The following GALNT13 variants were observed in gnomAD, a reference collection of about 807,000 sequenced individuals.
GALNT13 encodes polypeptide N-acetylgalactosaminyltransferase 13.
GALNT13 carries 28 observed loss-of-function variants against 64.2 expected under a neutral mutation model. The ratio of observed to expected loss-of-function variants is 0.44; its 90% CI spans 0.32 to 0.60. The LOEUF (loss-of-function observed/expected upper bound fraction) is 0.60, where lower values mean the gene tolerates loss of function less well. Among genes scored for constraint, GALNT13 ranks in the 20% least tolerant of loss-of-function variants. The probability of loss-of-function intolerance (pLI) is 0.05; values close to 1 mark genes in which losing one functional copy is unlikely to be tolerated. For missense variants in GALNT13, 577 were observed against 669.8 expected (o/e 0.86, Z 1.53); for synonymous variants, 214 against 224.6 (o/e 0.95, Z 0.42).
intron 8 of GALNT13, among the ~76,000 whole-genome samples, chr2:154,284,285 G>A (rs1015934343): frequency 4.0e-5 from 6 of 151,808 alleles, no homozygotes; most frequent in East Asian, 1.9e-4. Flanking sequence ...ATCTCTCCCC[G>A]ATTCCCTGTA....
the GALNT13 span, among the ~76,000 whole-genome samples, chr2:153,643,386 T>C: frequency 6.6e-6 from 1 of 151,260 alleles, no homozygotes; most frequent in Non-Finnish European, 1.5e-5. Context: ...ATGACAAACA[T>C]TAAAATAGTA....
intron 7 of GALNT13, among the ~76,000 whole-genome samples, chr2:154,247,673 A>G (rs776210177): frequency 1.8e-4 from 28 of 152,198 alleles, no homozygotes; most frequent in African/African-American, 4.8e-4. Context: ...AAACCAAAAG[A>G]TGAATCATCT....
chr2:153,771,216 G>T, the GALNT13 span, among the ~76,000 whole-genome samples: 7 of 152,166 alleles, frequency 4.6e-5, no homozygotes, highest in African/African-American at 1.7e-4. Context: ...AATCTGGTTG[G>T]GGGGCAGATG....
At chr2:153,878,543 G>A (rs1009872854) in intron 1 of GALNT13, among the ~76,000 whole-genome samples, 2 of 152,174 alleles carry the variant, frequency 1.3e-5, no homozygotes, top group Non-Finnish European at 2.9e-5. Context: ...CTGTGTTAAT[G>A]TTTGTTGAAA....
the GALNT13 span, among the ~76,000 whole-genome samples, chr2:153,125,126 A>G: frequency 6.6e-6 from 1 of 152,252 alleles, no homozygotes; most frequent in Non-Finnish European, 1.5e-5. Context: ...ACCCTAAAAC[A>G]TAATTTGATA....
chr2:153,121,687 C>G, the GALNT13 span, among the ~76,000 whole-genome samples: 2 of 152,084 alleles, frequency 1.3e-5, no homozygotes. Context: ...CACGACCATG[C>G]CTGTCTATTT....
chr2:154,308,718 T>C lies in GALNT13; in HGVS notation c.1156+7129T>C, dbSNP rs550857189. On this transcript the variant is annotated intron_variant, in intron 9 of 12. Coordinates refer to ENST00000392825, the MANE Select transcript of GALNT13 (RefSeq NM_052917.4). ...TTTTCAGCAGCAGCAGCAGCCATAG[T>C]ATCAATGAGGGATTGTGGTATGATG... is the stretch of plus-strand genomic sequence containing the variant. 5.3e-5 allele frequency among the ~76,000 whole-genome samples: 8 copies of C among 152,320 alleles called. 1 individual carries two copies. Among genetic ancestry groups the C allele is most frequent in the African/African-American group, 1.9e-4 (8 of 41,574 alleles).
the GALNT13 span, among the ~76,000 whole-genome samples, chr2:153,587,912 G>C: frequency 6.6e-6 from 1 of 152,366 alleles, no homozygotes; most frequent in African/African-American, 2.4e-5. Context: ...TACAATGGGG[G>C]TACAGGCATT....
At chr2:153,453,634 A>G in the GALNT13 span, among the ~76,000 whole-genome samples, 2 of 152,168 alleles carry the variant, frequency 1.3e-5, no homozygotes, top group African/African-American at 4.8e-5. Flanking sequence ...TGGTAAGGCT[A>G]CAGAGAAAAG....
At chr2:154,425,631 T>A (rs1444636410) in intron 11 of GALNT13, among the ~76,000 whole-genome samples, 2 of 152,182 alleles carry the variant, frequency 1.3e-5, no homozygotes, top group Non-Finnish European at 2.9e-5. Context: ...TAGGCGAATA[T>A]ACCATCAATA....
intron 2 of GALNT13, among the ~76,000 whole-genome samples, chr2:153,938,829 T>C (rs1246899858): frequency 6.6e-6 from 1 of 152,144 alleles, no homozygotes; most frequent in African/African-American, 2.4e-5. Context: ...TCTAATTACC[T>C]TTTTAAATCC....
At chr2:154,438,509 A>G in intron 11 of GALNT13, 83 bp from the exon 12 acceptor site, 1 of 963,712 alleles carries the variant, frequency 1.0e-6, no homozygotes, top group Non-Finnish European at 1.6e-6. Flanking sequence ...TTTATCTGAT[A>G]CGAAAGCTTC....
At chr2:153,466,847 A>G in the GALNT13 span, among the ~76,000 whole-genome samples, 1 of 152,048 alleles carries the variant, frequency 6.6e-6, no homozygotes, top group Non-Finnish European at 1.5e-5. Context: ...AAATGTGGTC[A>G]ATAAACATAT....
At chr2:154,379,529 G>C (rs1007020400) in intron 9 of GALNT13, among the ~76,000 whole-genome samples, 11 of 151,966 alleles carry the variant, frequency 7.2e-5, no homozygotes, top group Non-Finnish European at 1.5e-4. Flanking sequence ...TTAGAAGGCT[G>C]TTTGATTCTC....
In GALNT13 at chr2:153,878,215, A is replaced by G. The variant is rs374360181; in HGVS notation, c.-177+5912A>G. Among the ~76,000 whole-genome samples the G allele has an allele frequency of 1.6e-4, 25 of 152,344 alleles. No homozygotes were observed. In the East Asian group the frequency reaches 4.8e-3, roughly 29 times the overall value. The stretch of plus-strand genomic sequence containing the variant: ...TAACATGGAAGAACTGAATCTCAAA[A>G]TAAATAATAGTTATTTAAAGAGAAT... On this transcript the variant is annotated intron_variant, in intron 1 of 12. Transcript: ENST00000392825.
intron 3 of GALNT13, among the ~76,000 whole-genome samples, chr2:154,075,154 T>C (rs1040010708): frequency 1.3e-5 from 2 of 151,812 alleles, no homozygotes; most frequent in South Asian, 2.1e-4. Context: ...ATCAAAAAAC[T>C]ACCTTTTGGG....
chr2:153,269,438 C>G, the GALNT13 span, among the ~76,000 whole-genome samples: 1 of 152,162 alleles, frequency 6.6e-6, no homozygotes, highest in Non-Finnish European at 1.5e-5. Context: ...TCATCTGAGA[C>G]CCCCTTAATC....
chr2:153,416,442 A>G, the GALNT13 span, among the ~76,000 whole-genome samples: 1 of 152,210 alleles, frequency 6.6e-6, no homozygotes, highest in African/African-American at 2.4e-5. Context: ...ACTAAAGCTG[A>G]TGAATAACTG....
chr2:153,650,718 A>T, the GALNT13 span, among the ~76,000 whole-genome samples: 2 of 152,172 alleles, frequency 1.3e-5, no homozygotes, highest in East Asian at 3.9e-4. Context: ...TCCTTCACTT[A>T]GAAGCTTAGT....
Sources: allele counts gnomAD v4.1 joint callset (sites outside exome capture counted in the v4.1 genomes callset), GRCh38; gene constraint gnomAD v4.1.1; transcripts MANE v1.5; gene names NCBI Gene and HGNC (gene_info 2026-07-23, HGNC 2026-07-21).